The following CERS6 variants were observed in gnomAD, a reference collection of about 807,000 sequenced individuals.
CERS6 encodes the protein ceramide synthase 6.
Under a neutral mutation model 56.8 loss-of-function variants are expected in CERS6, and 26 were observed. That is an observed-to-expected ratio of 0.46 (90% CI 0.34 to 0.63). The LOEUF is 0.63. Ranked by LOEUF, CERS6 falls within the 30% of genes least tolerant of loss-of-function variation. The pLI is 0.01. For missense variants in CERS6, 415 were observed against 467.5 expected, an observed-to-expected ratio of 0.89 and a Z score of 1.04; for synonymous variants, 164 against 173.3, an observed-to-expected ratio of 0.95 and a Z score of 0.42.
At chr2:168,466,926 G>A (rs920436311) in intron 1 of CERS6, among the ~76,000 whole-genome samples, 2 of 152,254 alleles carry the variant, frequency 1.3e-5, no homozygotes, top group East Asian at 1.9e-4. Flanking sequence ...TTTGTAACTC[G>A]CCATTGTCTA....
chr2:168,681,927 T>C (rs931700082), intron 4 of CERS6, among the ~76,000 whole-genome samples: 1 of 152,222 alleles, frequency 6.6e-6, no homozygotes, highest in Non-Finnish European at 1.5e-5. Context: ...TTAAAAGTAA[T>C]ATCCTCCAAA....
intron 3 of CERS6, among the ~76,000 whole-genome samples, chr2:168,573,734 T>C (rs1233013976): frequency 6.6e-6 from 1 of 152,078 alleles, no homozygotes; most frequent in East Asian, 1.9e-4. Context: ...CAGTTCTCCT[T>C]TCCTTCTCTG....
chr2:168,677,235 G>A (rs1319723346), intron 4 of CERS6, among the ~76,000 whole-genome samples: 3 of 151,174 alleles, frequency 2.0e-5, no homozygotes, highest in Non-Finnish European at 2.9e-5. Context: ...TGTTCTCATT[G>A]TTCAACTCCC....
intron 4 of CERS6, among the ~76,000 whole-genome samples, chr2:168,687,390 C>T (rs1481738191): frequency 2.0e-5 from 3 of 152,214 alleles, no homozygotes; most frequent in Non-Finnish European, 4.4e-5. Flanking sequence ...TAGTACCTTA[C>T]TACTTGCAAA....
chr2:168,483,152 A>G (rs913245855), intron 1 of CERS6, among the ~76,000 whole-genome samples: 40 of 152,220 alleles, frequency 2.6e-4, no homozygotes, highest in South Asian at 2.1e-4. Flanking sequence ...CTATTCTTAG[A>G]GCCTTACATA....
intron 4 of CERS6, among the ~76,000 whole-genome samples, chr2:168,689,447 G>T (rs1412207098): frequency 6.6e-6 from 1 of 152,120 alleles, no homozygotes; most frequent in African/African-American, 2.4e-5. Flanking sequence ...AATGTTAATG[G>T]TGATGAAAAT....
chr2:168,664,374 T>C (rs920742662), intron 4 of CERS6, among the ~76,000 whole-genome samples: 3 of 152,118 alleles, frequency 2.0e-5, no homozygotes, highest in African/African-American at 4.8e-5. Context: ...GGCAGTGAAC[T>C]GGGAGGGTTA....
chr2:168,693,027 ATAT>A (rs1686544834), intron 5 of CERS6, among the ~76,000 whole-genome samples: 1 of 152,182 alleles, frequency 6.6e-6, no homozygotes, highest in South Asian at 2.1e-4. Context: ...ATAAGTACAC[ATAT>A]TATTTGTTAC....
chr2:168,598,486 G>T (rs1266013355), intron 3 of CERS6, among the ~76,000 whole-genome samples: 1 of 151,534 alleles, frequency 6.6e-6, no homozygotes, highest in Non-Finnish European at 1.5e-5. Context: ...AAAAATAATG[G>T]CAAGGGGCAA....
At chr2:168,707,223 G>A (rs998615124) in intron 6 of CERS6, among the ~76,000 whole-genome samples, 3 of 152,130 alleles carry the variant, frequency 2.0e-5, no homozygotes, top group African/African-American at 2.4e-5. Flanking sequence ...AATGAAGTTT[G>A]TGTGTTACAG....
chr2:168,681,496 CTTG>C (rs1004669461), intron 4 of CERS6, among the ~76,000 whole-genome samples: 5 of 151,920 alleles, frequency 3.3e-5, no homozygotes, highest in Admixed American at 6.6e-5. Flanking sequence ...TATTCTCATT[CTTG>C]TTTTTATTAT....
chr2:168,506,694 C>T (rs993509267), intron 1 of CERS6, among the ~76,000 whole-genome samples: 2 of 152,098 alleles, frequency 1.3e-5, no homozygotes, highest in Non-Finnish European at 2.9e-5. Context: ...TCAAACTTCT[C>T]AGTAAAGAGA....
At chr2:168,584,975 A>G (rs1042808335) in intron 3 of CERS6, among the ~76,000 whole-genome samples, 1 of 152,234 alleles carries the variant, frequency 6.6e-6, no homozygotes, top group Non-Finnish European at 1.5e-5. Context: ...ATTGAAAGAG[A>G]TGGCAGAAAG....
chr2:168,583,209 G>A (rs1467027528), intron 3 of CERS6, among the ~76,000 whole-genome samples: 1 of 152,160 alleles, frequency 6.6e-6, no homozygotes, highest in Admixed American at 6.5e-5. Context: ...TGACAGTGTG[G>A]TGTAGGAATA....
intron 8 of CERS6, among the ~76,000 whole-genome samples, chr2:168,761,606 T>G (rs970464745): frequency 6.6e-6 from 1 of 152,182 alleles, no homozygotes; most frequent in African/African-American, 2.4e-5. Context: ...TCCAGAGCTT[T>G]CTTCTTCATA....
intron 1 of CERS6, among the ~76,000 whole-genome samples, chr2:168,496,786 G>A (rs1176077150): frequency 6.6e-6 from 1 of 152,132 alleles, no homozygotes; most frequent in Non-Finnish European, 1.5e-5. Context: ...CATGATTGAT[G>A]TAGGAATTTT....
At chr2:168,466,853 C>A (rs1446822978) in intron 1 of CERS6, among the ~76,000 whole-genome samples, 6 of 152,136 alleles carry the variant, frequency 3.9e-5, no homozygotes, top group African/African-American at 1.4e-4. Context: ...TTTTTAATTG[C>A]AGGAGAGATG....
chr2:168,666,803 G>T (rs10200141), intron 4 of CERS6, among the ~76,000 whole-genome samples: 10,399 of 152,126 alleles, frequency 0.068, 438 homozygotes, highest in Non-Finnish European at 0.092. Context: ...CTCCTCTCTT[G>T]GAGTCTCCTA....
In CERS6 at chr2:168,652,611, T is replaced by G. The variant is rs1451645155; in HGVS notation, c.465+21569T>G. On this transcript the variant is annotated intron_variant, in intron 4 of 9. Transcript: ENST00000305747. ...AAAAGGAAAAATTAATGAATTGTTG[T>G]TTTTTTTTTAACCTTTCCTTATATT... Among the ~76,000 whole-genome samples, 3 of 145,918 alleles carry G rather than the reference T, an allele frequency of 2.1e-5. No individual in the cohort carries two copies. In the East Asian group the frequency reaches 5.8e-4, roughly 28 times the overall value.
Sources: allele counts gnomAD v4.1 joint callset (sites outside exome capture counted in the v4.1 genomes callset), GRCh38; gene constraint gnomAD v4.1.1; transcripts MANE v1.5; gene names NCBI Gene and HGNC (gene_info 2026-07-23, HGNC 2026-07-21).